The following PCM1 variants were observed in gnomAD, a reference collection of about 807,000 sequenced individuals.
PCM1 encodes pericentriolar material 1 protein.
Under a neutral mutation model 241.9 loss-of-function variants are expected in PCM1, and 157 were observed. That is an observed-to-expected ratio of 0.65 (90% CI 0.57 to 0.74). The LOEUF (loss-of-function observed/expected upper bound fraction) is 0.74. Among genes scored for constraint, PCM1 ranks in the 30% least tolerant of loss-of-function variants. The pLI is 0.00. For missense variants in PCM1, 3,478 were observed against 2,360.1 expected, an observed-to-expected ratio of 1.47 and a Z score of -9.81; for synonymous variants, 1,085 against 784.9, an observed-to-expected ratio of 1.38 and a Z score of -6.39.
At position 17,962,061 on chromosome 8, in the gene PCM1, C is replaced by G. The variant is rs1200890710; in HGVS notation, c.2350C>G (p.Pro784Ala). ...QLSAASVGNCPTKKYMPAVTS... is the reference protein window; with the variant it reads ...QLSAASVGNCATKKYMPAVTS... The stretch of plus-strand genomic sequence containing the variant: ...GTCAGCTGCTAGTGTGGGTAACTGT[C>G]CCACCAAAAAATATATGCCAGCTGT... The change falls in exon 16 of 39, where the codon CCC (proline) becomes GCC (alanine). Residue 784 changes from proline (P) to alanine (A), a missense_variant. Pro to Ala is a conservative substitution (Grantham distance 27). Coordinates refer to ENST00000325083, the MANE Select transcript of PCM1 (RefSeq NM_006197.4). The G allele has an allele frequency of 1.2e-6, 2 of 1,611,324 alleles. No homozygotes were observed. The highest frequency in any genetic ancestry group is 3.3e-5 in the Admixed American group (2 of 59,778).
intron 24 of PCM1, 96 bp from the exon 25 acceptor site, chr8:17,985,351 A>C (rs2082250267): frequency 1.4e-6 from 1 of 732,668 alleles, no homozygotes; most frequent in African/African-American, 1.8e-5. Flanking sequence ...TAGAATTTTT[A>C]GATAATTTAA....
In PCM1 at chr8:17,980,722, A is replaced by G. The variant is rs201651912; in HGVS notation, c.4075A>G (p.Ile1359Val). The change falls in exon 24 of 39, where the codon ATA becomes GTA. Residue 1359 changes from isoleucine (I) to valine (V), a missense_variant. By Grantham distance (29) the Ile-to-Val change is conservative. Coordinates refer to ENST00000325083, the MANE Select transcript of PCM1 (RefSeq NM_006197.4). ...GAATCATGAGCAACTGGAAAAAATA[A>G]TAAAATGTAATAGGTCTACAGAAAT... ...RKNHEQLEKI[I>V]KCNRSTEISS... The G allele has an allele frequency of 8.7e-6, 14 of 1,611,632 alleles. No individual in the cohort carries two copies. The African/African-American group carries it at 1.7e-4, about 20-fold the overall frequency.
Position 17,956,730 on chromosome 8 carries a change from A to G in PCM1, c.1599A>G (p.Ser533=). The part of the protein sequence containing the change: ...ENRKDEETEE[S]EYDSEHENSE... ...GGAAAGATGAAGAAACTGAAGAGTC[A>G]GAATATGATTCTGAGCATGAAAATT... The change falls in exon 11 of 39, where the codon TCA becomes TCG. Residue 533 remains serine, a synonymous_variant. Transcript: ENST00000325083. 1.2e-6 allele frequency: 2 copies of G among 1,609,124 alleles called. No individual in the cohort carries two copies. Among genetic ancestry groups the G allele is most frequent in the Non-Finnish European group, 1.7e-6 (2 of 1,177,192 alleles).
chr8:17,956,771 A>G lies in PCM1; in HGVS notation c.1640A>G (p.Asn547Ser). The change falls in exon 11 of 39, where the codon AAC becomes AGC. Residue 547 changes from asparagine (N) to serine (S), a missense_variant. By Grantham distance (46) the Asn-to-Ser change is conservative. Transcript: ENST00000325083. ...SEHENSEPVTNIRNPQVASTW... is the reference protein window; with the variant it reads ...SEHENSEPVTSIRNPQVASTW... ...CATGAAAATTCCGAGCCTGTTACTA[A>G]CATTCGGTAAGAACTTTTCTGGGGA... The G allele has an allele frequency of 6.2e-7, 1 of 1,605,882 alleles. No individual in the cohort carries two copies. Among genetic ancestry groups the G allele is most frequent in the African/African-American group, 1.3e-5 (1 of 74,944 alleles).
intron 2 of PCM1, among the ~76,000 whole-genome samples, chr8:17,928,616 CTTTTTTTTTTTTTTTT>C (rs71215287): frequency 3.6e-5 from 3 of 82,570 alleles, no homozygotes; most frequent in African/African-American, 5.0e-5. Context: ...GTATCTCCCT[CTTTTTTTTTTTTTTTT>C]TTTTTTTTTT....
intron 36 of PCM1, among the ~76,000 whole-genome samples, chr8:18,019,079 T>A (rs2129487500): frequency 6.6e-6 from 1 of 152,030 alleles, no homozygotes; most frequent in East Asian, 1.9e-4. Flanking sequence ...TTCCTCTGCC[T>A]TTTTCAGTAT....
chr8:17,998,441 A>G (rs2129482513), intron 29 of PCM1, among the ~76,000 whole-genome samples: 1 of 152,296 alleles, frequency 6.6e-6, no homozygotes, highest in South Asian at 2.1e-4. Flanking sequence ...GTGATTTTGG[A>G]TAAGATCCAG....
chr8:18,026,625 C>T lies in PCM1; in HGVS notation c.6049+967C>T, dbSNP rs578194377. 1.3e-4 allele frequency among the ~76,000 whole-genome samples: 20 copies of T among 152,082 alleles called. No homozygotes were observed. In the East Asian group the frequency reaches 3.9e-3, roughly 29 times the overall value. The stretch of plus-strand genomic sequence containing the variant: ...GACTATAACTCTAAATATTATGATT[C>T]TTAGTTTTTAAGATGCAGATAATAC... On this transcript the variant is annotated intron_variant, in intron 38 of 38. Coordinates refer to ENST00000325083, the MANE Select transcript of PCM1 (RefSeq NM_006197.4).
At chr8:17,936,565 C>A (rs1441346942) in intron 3 of PCM1, among the ~76,000 whole-genome samples, 1 of 152,076 alleles carries the variant, frequency 6.6e-6, no homozygotes, top group Non-Finnish European at 1.5e-5. Context: ...TAATAGCTGT[C>A]TTTATTGCTT....
chr8:17,974,346 T>C (rs1231276945), intron 23 of PCM1, among the ~76,000 whole-genome samples: 3 of 152,212 alleles, frequency 2.0e-5, no homozygotes, highest in East Asian at 1.9e-4. Flanking sequence ...CTCTTTGTCA[T>C]ATAAATAAAT....
chr8:17,960,232 C>T (rs1398983345), intron 14 of PCM1, 67 bp downstream of exon 14: 2 of 1,548,136 alleles, frequency 1.3e-6, no homozygotes, highest in African/African-American at 1.4e-5. Flanking sequence ...AGAAGGTGCT[C>T]AGCTAGGTAC....
intron 22 of PCM1, among the ~76,000 whole-genome samples, chr8:17,972,068 C>A (rs542477697): frequency 1.3e-5 from 2 of 152,282 alleles, no homozygotes; most frequent in African/African-American, 4.8e-5. Flanking sequence ...CCACTGTTTT[C>A]CATTGCTAAT....
In PCM1 at chr8:17,991,684, A is replaced by G. The variant is rs2084679732; in HGVS notation, c.4674A>G (p.Thr1558=). 6.4e-7 allele frequency: 1 copy of G among 1,551,160 alleles called. No individual in the cohort carries two copies. Among genetic ancestry groups the G allele is most frequent in the East Asian group, 2.4e-5 (1 of 41,166 alleles). ...GAGATGGTGCTGGTGCAGGTACTACAGTTAATAATTTAGAAGGTATATATT... is the reference window on the plus strand; with the variant it reads ...GAGATGGTGCTGGTGCAGGTACTACGGTTAATAATTTAGAAGGTATATATT... ...EDGDGAGAGT[T]VNNLEETPVI... The change falls in exon 28 of 39, where the codon ACA becomes ACG. Residue 1558 remains threonine (T), a synonymous_variant. Transcript: ENST00000325083.
rs893314585 is a variant in PCM1 at position 17,991,027 on chromosome 8, T to C, written c.4532-515T>C. On this transcript the variant is annotated intron_variant, in intron 27 of 38. Transcript: ENST00000325083. ...GCCAGAATACTTCGACTCCTACGTA[T>C]TTTCTTTCATTTACTGGTATTTTTT... 4.0e-5 allele frequency among the ~76,000 whole-genome samples: 6 copies of C among 150,902 alleles called. No homozygotes were observed. In the South Asian group the frequency reaches 6.3e-4, roughly 16 times the overall value.
At chr8:17,995,337 G>A (rs2086298671) in intron 29 of PCM1, among the ~76,000 whole-genome samples, 1 of 151,194 alleles carries the variant, frequency 6.6e-6, no homozygotes, top group African/African-American at 2.5e-5. Context: ...TGAGTTTATT[G>A]TAGGTATGTG....
At chr8:17,975,048 G>T (rs1260353797) in intron 23 of PCM1, among the ~76,000 whole-genome samples, 1 of 152,044 alleles carries the variant, frequency 6.6e-6, no homozygotes, top group East Asian at 1.9e-4. Context: ...CGTGCTTTTG[G>T]GCCTCACCTT....
At position 17,960,370 on chromosome 8, in the gene PCM1, C is replaced by T; in HGVS notation, c.2248C>T (p.Gln750Ter). Reference protein sequence around the residue: ...QQQQRELKQLQEERKKLIDIQ... With the variant: ...QQQQRELKQL ...GCAACAGAGAGAGCTAAAACAATTG[C>T]AGGAAGAAAGAAAGAAACTGATTGA... Residue 750 changes from glutamine to a stop codon, truncating the protein, a stop_gained, in exon 15 of 39, where the codon CAG (glutamine) becomes TAG (stop). Transcript: ENST00000325083. LOFTEE classifies it high-confidence loss of function. 6.2e-7 allele frequency: 1 copy of T among 1,607,580 alleles called. No individual in the cohort carries two copies. Among genetic ancestry groups the T allele is most frequent in the Non-Finnish European group, 8.5e-7 (1 of 1,177,826 alleles).
intron 30 of PCM1, among the ~76,000 whole-genome samples, chr8:18,006,686 G>C (rs114937039): frequency 6.6e-6 from 1 of 152,134 alleles, no homozygotes; most frequent in African/African-American, 2.4e-5. Flanking sequence ...TTTTGAGTTT[G>C]AAATGTTTAC....
At chr8:17,960,213 C>G in intron 14 of PCM1, 48 bp downstream of exon 14, 1 of 1,551,766 alleles carries the variant, frequency 6.4e-7, no homozygotes, top group Non-Finnish European at 8.7e-7. Flanking sequence ...AATTTAGTGC[C>G]TGTTTTGGAG....
Sources: gnomAD v4.1 joint callset for allele counts (sites outside exome capture counted in the v4.1 genomes callset) on GRCh38, gnomAD v4.1.1 for gene constraint, MANE v1.5 for transcripts, NCBI Gene and HGNC (gene_info 2026-07-23, HGNC 2026-07-21) for gene names.